The following SLC4A4 variants were observed in gnomAD, a reference collection of about 807,000 sequenced individuals.
SLC4A4 encodes electrogenic sodium bicarbonate cotransporter 1.
In SLC4A4, 27 loss-of-function variants were observed where a neutral mutation model predicts 111.5. The ratio of observed to expected loss-of-function variants is 0.24; its 90% CI spans 0.18 to 0.33. SLC4A4 has a LOEUF of 0.33. Ranked by LOEUF, SLC4A4 falls within the 10% of genes least tolerant of loss-of-function variation. SLC4A4 has a pLI of 1.00. For missense variants in SLC4A4, 909 were observed against 1,315.5 expected (o/e 0.69, Z 4.78); for synonymous variants, 443 against 463.4 (o/e 0.96, Z 0.57).
At chr4:71,470,756 T>C (rs1221304943) in intron 13 of SLC4A4, among the ~76,000 whole-genome samples, 2 of 152,012 alleles carry the variant, frequency 1.3e-5, no homozygotes, top group African/African-American at 4.8e-5. Flanking sequence ...GGGGAGCCAA[T>C]GCTCCTATTT....
intron 1 of SLC4A4, among the ~76,000 whole-genome samples, chr4:71,230,439 T>C (rs936370762): frequency 2.0e-5 from 3 of 152,234 alleles, no homozygotes; most frequent in African/African-American, 7.2e-5. Flanking sequence ...TCTGTGGGCA[T>C]GTGTGTAAAG....
chr4:71,453,389 T>A, intron 11 of SLC4A4, 106 bp from the exon 12 acceptor site: 1 of 1,125,716 alleles, frequency 8.9e-7, no homozygotes, highest in African/African-American at 1.5e-5. Context: ...TTGTCACTGA[T>A]TCAAGCATTT....
intron 3 of SLC4A4, among the ~76,000 whole-genome samples, chr4:71,262,844 T>A (rs1721963529): frequency 6.6e-6 from 1 of 152,144 alleles, no homozygotes; most frequent in South Asian, 2.1e-4. Flanking sequence ...TGACCTTGTT[T>A]TGTGTATCTA....
chr4:71,541,686 G>T (rs1735078386), intron 18 of SLC4A4, among the ~76,000 whole-genome samples: 1 of 151,138 alleles, frequency 6.6e-6, no homozygotes, highest in Non-Finnish European at 1.5e-5. Context: ...GAAACACTCA[G>T]TCTGGCAGCA....
chr4:71,402,554 TA>T (rs1409825372), intron 7 of SLC4A4, among the ~76,000 whole-genome samples: 1 of 152,222 alleles, frequency 6.6e-6, no homozygotes, highest in African/African-American at 2.4e-5. Flanking sequence ...TTTCTGAGGT[TA>T]TAATAATTGT....
intron 2 of SLC4A4, among the ~76,000 whole-genome samples, chr4:71,151,313 T>A (rs929737563): frequency 6.6e-6 from 1 of 152,148 alleles, no homozygotes; most frequent in African/African-American, 2.4e-5. Flanking sequence ...ACATATAGAC[T>A]ATATCAACGG....
At chr4:71,138,038 CCAAATTCATTTCTATATTTAA>C (rs1389763324) in intron 2 of SLC4A4, among the ~76,000 whole-genome samples, 2 of 151,988 alleles carry the variant, frequency 1.3e-5, no homozygotes, top group Non-Finnish European at 2.9e-5. Flanking sequence ...GCTATATTTG[CCAAATTCATTTCTATATTTAA>C]CAGTGTCATA....
chr4:71,121,098 G>T (rs1423127267), intron 2 of SLC4A4, among the ~76,000 whole-genome samples: 1 of 152,152 alleles, frequency 6.6e-6, no homozygotes, highest in Non-Finnish European at 1.5e-5. Context: ...GGTGTGCAGG[G>T]TCCCCCAGTA....
At chr4:71,186,308 A>G (rs553152605), upstream of SLC4A4, among the ~76,000 whole-genome samples, 31 of 152,362 alleles carry the variant, frequency 2.0e-4, no homozygotes, top group South Asian at 6.2e-3. Flanking sequence ...CTTTTGTTAA[A>G]GGTGAACAAT....
chr4:71,309,187 C>G (rs1374595985), intron 3 of SLC4A4, among the ~76,000 whole-genome samples: 7 of 152,194 alleles, frequency 4.6e-5, no homozygotes, highest in Admixed American at 4.6e-4. Context: ...CAGGGCATCT[C>G]TGAAAGAAAG....
At chr4:71,084,742 T>C (rs995252762) in intron 1 of SLC4A4, among the ~76,000 whole-genome samples, 2 of 152,098 alleles carry the variant, frequency 1.3e-5, no homozygotes, top group African/African-American at 4.8e-5. Flanking sequence ...ACTCACCTTT[T>C]TTTATGGCTG....
intron 7 of SLC4A4, among the ~76,000 whole-genome samples, chr4:71,407,967 T>G (rs1721021361): frequency 6.6e-6 from 1 of 152,176 alleles, no homozygotes; most frequent in Admixed American, 6.5e-5. Flanking sequence ...TCACTATAGA[T>G]AGGGTCAACT....
intron 7 of SLC4A4, among the ~76,000 whole-genome samples, chr4:71,421,387 G>T (rs1722483265): frequency 6.6e-6 from 1 of 152,074 alleles, no homozygotes; most frequent in South Asian, 2.1e-4. Context: ...ATTAATAATG[G>T]GAGACTTTAA....
rs548069127 is a variant in SLC4A4, at chr4:71,364,575, C to T, written c.730+7388C>T. ...AGATGGTGCGTTCTATGGATCCTCGCAAGGTGGAAGGGGCAAACATTCCTT... is the reference window on the plus strand; with the variant it reads ...AGATGGTGCGTTCTATGGATCCTCGTAAGGTGGAAGGGGCAAACATTCCTT... On this transcript the variant is annotated intron_variant, in intron 6 of 25. Coordinates refer to ENST00000264485, the MANE Select transcript of SLC4A4 (RefSeq NM_001098484.3). Among the ~76,000 whole-genome samples, 10 of 152,276 alleles carry T rather than the reference C, an allele frequency of 6.6e-5. No individual in the cohort carries two copies. In the South Asian group the frequency reaches 1.5e-3, roughly 22 times the overall value.
At chr4:71,164,395 A>G (rs1744687194) in intron 2 of SLC4A4, among the ~76,000 whole-genome samples, 2 of 151,974 alleles carry the variant, frequency 1.3e-5, no homozygotes, top group Admixed American at 6.6e-5. Flanking sequence ...AAAAAAAAAA[A>G]AAGCATTATT....
intron 7 of SLC4A4, among the ~76,000 whole-genome samples, chr4:71,403,157 A>G (rs1375246157): frequency 6.6e-6 from 1 of 152,184 alleles, no homozygotes; most frequent in Non-Finnish European, 1.5e-5. Context: ...ATCCTGTATG[A>G]AGTAAACTGA....
intron 13 of SLC4A4, among the ~76,000 whole-genome samples, chr4:71,470,132 A>G (rs1269016038): frequency 6.6e-6 from 1 of 152,028 alleles, no homozygotes; most frequent in Non-Finnish European, 1.5e-5. Context: ...CTTAGTTGTT[A>G]TTCTGACACT....
intron 2 of SLC4A4, among the ~76,000 whole-genome samples, chr4:71,144,279 G>T (rs969349815): frequency 6.6e-6 from 1 of 152,090 alleles, no homozygotes; most frequent in Non-Finnish European, 1.5e-5. Context: ...TTATTTCTGA[G>T]GGCTCTGTTC....
intron 16 of SLC4A4, among the ~76,000 whole-genome samples, chr4:71,506,001 A>G (rs1731384838): frequency 6.6e-6 from 1 of 152,060 alleles, no homozygotes; most frequent in Admixed American, 6.6e-5. Context: ...AGATGGTTGT[A>G]GGTGTGTGGT....
Sources: allele counts gnomAD v4.1 joint callset (sites outside exome capture counted in the v4.1 genomes callset), GRCh38; gene constraint gnomAD v4.1.1; transcripts MANE v1.5; gene names NCBI Gene and HGNC (gene_info 2026-07-23, HGNC 2026-07-21).